The following WNT3A variants were observed in gnomAD, a reference collection of about 807,000 sequenced individuals.
WNT3A encodes protein Wnt-3a.
WNT3A carries 17 observed loss-of-function variants against 37.0 expected under a neutral mutation model. The ratio of observed to expected loss-of-function variants is 0.46; its 90% CI spans 0.31 to 0.69. The LOEUF is 0.69. WNT3A is among the 30% of genes least tolerant of loss of function. WNT3A has a pLI of 0.05. For missense variants in WNT3A, 411 were observed against 510.2 expected (o/e 0.81, Z 1.87); for synonymous variants, 187 against 211.0 (o/e 0.89, Z 0.99).
rs1440595094 is a variant in WNT3A, at chr1:228,042,019, G to A, written c.314-8637G>A. On this transcript the variant is annotated intron_variant, in intron 2 of 3. Transcript: ENST00000284523. The surrounding 1 kb of genome is among the most constrained non-coding windows in gnomAD (Gnocchi z 5.2). Reference sequence around the variant, plus strand: ...TCTTTTGATGGAGTCTCCCTCTGTTGCCAGGCTGGAGTGCAGTGGTGTGAC... The same window carrying A: ...TCTTTTGATGGAGTCTCCCTCTGTTACCAGGCTGGAGTGCAGTGGTGTGAC... Among the ~76,000 whole-genome samples the A allele has an allele frequency of 1.3e-5, 2 of 151,882 alleles. No individual in the cohort carries two copies. Among genetic ancestry groups the A allele is most frequent in the East Asian group, 3.9e-4 (2 of 5,166 alleles).
Position 228,037,893 on chromosome 1 carries a change from C to T in WNT3A, c.314-12763C>T, listed in dbSNP as rs924683300. ...TCTGAATGGGGATTTCCCCTCGCGC[C>T]GGACGGCCTGGCGCGCGGCGCATAC... On this transcript the variant is annotated intron_variant, in intron 2 of 3. Transcript: ENST00000284523. This position sits in a 1 kb window ranked among gnomAD's most constrained non-coding sequence, Gnocchi z 4.1. Among the ~76,000 whole-genome samples the T allele has an allele frequency of 3.3e-5, 5 of 152,218 alleles. No individual in the cohort carries two copies. The highest frequency in any genetic ancestry group is 1.2e-4 in the African/African-American group (5 of 41,470).
intron 3 of WNT3A, among the ~76,000 whole-genome samples, chr1:228,052,271 G>A (rs1010309168): frequency 6.6e-6 from 1 of 151,942 alleles, no homozygotes; most frequent in Non-Finnish European, 1.5e-5. Flanking sequence ...AGCCTTCTGA[G>A]TAGCTGGGAC....
chr1:228,050,416 C>T lies in WNT3A; in HGVS notation c.314-240C>T, dbSNP rs545349125. Among the ~76,000 whole-genome samples the T allele has an allele frequency of 2.4e-4, 37 of 152,332 alleles. No homozygotes were observed. Among genetic ancestry groups the T allele is most frequent in the African/African-American group, 7.5e-4 (31 of 41,572 alleles). ...TCTTGCACACACTGGTTCCCCTTTACGCCCCCTTTCCCTTCTGCCACAAGT... is the reference window on the plus strand; with the variant it reads ...TCTTGCACACACTGGTTCCCCTTTATGCCCCCTTTCCCTTCTGCCACAAGT... On this transcript the variant is annotated intron_variant, in intron 2 of 3. Transcript: ENST00000284523. This position sits in a 1 kb window ranked among gnomAD's most constrained non-coding sequence, Gnocchi z 5.0.
intron 1 of WNT3A, among the ~76,000 whole-genome samples, chr1:228,010,303 C>A (rs1305202840): frequency 6.6e-6 from 1 of 152,172 alleles, no homozygotes; most frequent in Non-Finnish European, 1.5e-5. Context: ...AGGGACCCCA[C>A]CAGGACCCTA....
intron 2 of WNT3A, among the ~76,000 whole-genome samples, chr1:228,034,152 C>T (rs1488899296): frequency 6.6e-6 from 1 of 152,140 alleles, no homozygotes; most frequent in East Asian, 1.9e-4. Context: ...GTCCCAGCTA[C>T]TCAGGAAGCT....
At chr1:228,029,749 C>CA (rs1491347804) in intron 2 of WNT3A, among the ~76,000 whole-genome samples, 1 of 151,206 alleles carries the variant, frequency 6.6e-6, no homozygotes, top group Admixed American at 6.6e-5. Context: ...CACCCCCCCC[C>CA]CAATTCCTAC....
chr1:228,055,158 CAAAAAAAA>C (rs34263332), intron 3 of WNT3A, among the ~76,000 whole-genome samples: 17 of 15,756 alleles, frequency 1.1e-3, no homozygotes, highest in African/African-American at 3.9e-3. Flanking sequence ...AACTCCGTCC[CAAAAAAAA>C]AAAAAAAAAA....
At chr1:228,056,156 T>A (rs114729135) in intron 3 of WNT3A, among the ~76,000 whole-genome samples, 1 of 152,220 alleles carries the variant, frequency 6.6e-6, no homozygotes, top group Non-Finnish European at 1.5e-5. Flanking sequence ...AGGACCAAAG[T>A]TGACAAGTCT....
chr1:228,051,213 A>G (rs947368460), intron 3 of WNT3A, among the ~76,000 whole-genome samples: 2 of 152,204 alleles, frequency 1.3e-5, no homozygotes, highest in Non-Finnish European at 2.9e-5. Context: ...GGAGACAGCC[A>G]GGCAGCCACA....
chr1:228,059,417 C>T lies in WNT3A; in HGVS notation c.1011C>T (p.Val337=). 6.4e-7 allele frequency: 1 copy of T among 1,550,774 alleles called. No individual in the cohort carries two copies. Among genetic ancestry groups the T allele is most frequent in the Admixed American group, 1.9e-5 (1 of 53,260 alleles). ...GCGTGTTCCACTGGTGCTGCTACGT[C>T]AGCTGCCAGGAGTGCACGCGCGTCT... The part of the protein sequence containing the change: ...CRCVFHWCCY[V]SCQECTRVYD... Residue 337 remains valine (V), a synonymous_variant, in exon 4 of 4, where the codon GTC becomes GTT. Coordinates refer to ENST00000284523, the MANE Select transcript of WNT3A (RefSeq NM_033131.4).
At chr1:228,036,042 C>A (rs2031132427) in intron 2 of WNT3A, among the ~76,000 whole-genome samples, 1 of 152,168 alleles carries the variant, frequency 6.6e-6, no homozygotes, top group Non-Finnish European at 1.5e-5. Flanking sequence ...CGCCGGGTGC[C>A]TCAGAGAGAG....
chr1:228,020,325 G>A (rs1017344523), intron 1 of WNT3A, among the ~76,000 whole-genome samples: 2 of 152,252 alleles, frequency 1.3e-5, no homozygotes. Flanking sequence ...TGGCGTTCCT[G>A]GGTGCTCTGA....
chr1:228,059,499 C>A lies in WNT3A; in HGVS notation c.*34C>A, dbSNP rs978924990. The A allele has an allele frequency of 1.2e-5, 18 of 1,476,500 alleles. No homozygotes were observed. Among genetic ancestry groups the A allele is most frequent in the Non-Finnish European group, 1.5e-5 (17 of 1,121,548 alleles). 91.5% of individuals were successfully genotyped at this position (1,476,500 alleles called of 1,614,324 possible). On this transcript the variant is annotated 3_prime_UTR_variant, in exon 4 of 4. Coordinates refer to ENST00000284523, the MANE Select transcript of WNT3A (RefSeq NM_033131.4). ...CGCGGCTCCCCCTGGACGGGGCGGG[C>A]CCTGCCTGAGGGTGGGCTTTTCCCT...
chr1:228,059,043 G>A lies in WNT3A; in HGVS notation c.637G>A (p.Glu213Lys), dbSNP rs374568174. The change falls in exon 4 of 4, where the codon GAG becomes AAG. Residue 213 changes from glutamate (E) to lysine (K), a missense_variant. Physicochemically the swap from Glu to Lys is moderately conservative, Grantham distance 56 (BLOSUM62 1). Transcript: ENST00000284523. ...GTGCCACGGGCTGTCGGGCAGCTGC[G>A]AGGTGAAGACATGCTGGTGGTCGCA... is the stretch of plus-strand genomic sequence containing the variant. ...CKCHGLSGSC[E>K]VKTCWWSQPD... is the part of the protein sequence containing the mutation. The A allele has an allele frequency of 6.2e-7, 1 of 1,613,382 alleles. No homozygotes were observed. The highest frequency in any genetic ancestry group is 1.3e-5 in the African/African-American group (1 of 74,926).
intron 2 of WNT3A, among the ~76,000 whole-genome samples, chr1:228,028,326 C>CTT (rs2030906343): frequency 7.2e-6 from 1 of 139,418 alleles, no homozygotes; most frequent in Admixed American, 7.5e-5. Flanking sequence ...TGGAGTCTCA[C>CTT]TCTGTTGCCT....
intron 1 of WNT3A, among the ~76,000 whole-genome samples, chr1:228,018,350 A>C (rs2030590881): frequency 6.6e-6 from 1 of 151,746 alleles, no homozygotes; most frequent in Non-Finnish European, 1.5e-5. Flanking sequence ...TGGATTAGAA[A>C]TTTGGATCCT....
intron 1 of WNT3A, among the ~76,000 whole-genome samples, chr1:228,009,518 C>A (rs2030309067): frequency 6.6e-6 from 1 of 152,128 alleles, no homozygotes; most frequent in South Asian, 2.1e-4. Context: ...GAGGAGGGGA[C>A]CTTGGCCCCT....
Position 228,038,925 on chromosome 1 carries a change from A to C in WNT3A, c.314-11731A>C, listed in dbSNP as rs2031208502. Among the ~76,000 whole-genome samples the C allele has an allele frequency of 6.6e-6, 1 of 152,134 alleles. No homozygotes were observed. The highest frequency in any genetic ancestry group is 6.5e-5 in the Admixed American group (1 of 15,272). On this transcript the variant is annotated intron_variant, in intron 2 of 3. Transcript: ENST00000284523. The surrounding 1 kb of genome is among the most constrained non-coding windows in gnomAD (Gnocchi z 5.7). ...CTGCAGTAGGGTGCACTTGGGGGAC[A>C]GAGGGCATTTTTTTGTCACAGTGGA...
At chr1:228,036,271 T>C (rs1429622700) in intron 2 of WNT3A, among the ~76,000 whole-genome samples, 1 of 152,208 alleles carries the variant, frequency 6.6e-6, no homozygotes, top group Non-Finnish European at 1.5e-5. Context: ...TGTGTGTGTG[T>C]GCACATGTGA....
Sources: allele counts gnomAD v4.1 joint callset (sites outside exome capture counted in the v4.1 genomes callset), GRCh38; gene constraint gnomAD v4.1.1; non-coding constraint Gnocchi (gnomAD v3.1); transcripts MANE v1.5; gene names NCBI Gene and HGNC (gene_info 2026-07-23, HGNC 2026-07-21).